VIPR2: variants seen among roughly 807,000 people sequenced by gnomAD.
VIPR2 encodes vasoactive intestinal peptide receptor 2.
Under a neutral mutation model 58.0 loss-of-function variants are expected in VIPR2, and 48 were observed. The ratio of observed to expected loss-of-function variants is 0.83; its 90% CI spans 0.66 to 1.05. The LOEUF (loss-of-function observed/expected upper bound fraction) is 1.05. Among genes scored for constraint, VIPR2 ranks in the 50% least tolerant of loss-of-function variants. The pLI is 0.00. For synonymous variants in VIPR2, 243 were observed against 235.2 expected, an observed-to-expected ratio of 1.03 and a Z score of -0.30; for missense variants, 534 against 558.0, an observed-to-expected ratio of 0.96 and a Z score of 0.43.
Position 159,128,774 on chromosome 7 carries a change from ACCCCACTTCTCAGGAGCCTTCAGTGGTCT to A in VIPR2, c.151+13643_151+13671del. ...TTCCTGAAACACAGCTCACATGCGA[ACCCCACTTCTCAGGAGCCTTCAGTGGTCT>A]CAGCTCTGCAGGTTGGGCACGCTAA... On this transcript the variant is annotated intron_variant, in intron 2 of 12. Coordinates refer to ENST00000262178, the MANE Select transcript of VIPR2 (RefSeq NM_003382.5). The surrounding 1 kb of genome is among the most constrained non-coding windows in gnomAD (Gnocchi z 4.1). 6.6e-6 allele frequency among the ~76,000 whole-genome samples: 1 copy of A among 152,176 alleles called. No individual in the cohort carries two copies. Among genetic ancestry groups the A allele is most frequent in the East Asian group, 1.9e-4 (1 of 5,156 alleles).
chr7:159,142,524 A>G lies in VIPR2; in HGVS notation c.73T>C (p.Cys25Arg), dbSNP rs1356747738. ...TCCTGTATTTCCAGATGAAATCGGC[A>G]TTCTGGGTGAATGCTGTTCACCTGT... The part of the protein sequence containing the change: ...LAPVNSIHPE[C>R]RFHLEIQEEE... Residue 25 changes from cysteine (C) to arginine (R), a missense_variant, in exon 2 of 13, where the codon TGC becomes CGC. Cys to Arg is a radical substitution (Grantham distance 180). Transcript: ENST00000262178. The G allele has an allele frequency of 1.2e-6, 2 of 1,613,928 alleles. No homozygotes were observed. The highest frequency in any genetic ancestry group is 1.7e-6 in the Non-Finnish European group (2 of 1,179,866).
At chr7:159,086,901 C>T (rs116921532) in intron 4 of VIPR2, among the ~76,000 whole-genome samples, 3,621 of 152,344 alleles carry the variant, frequency 0.024, 62 homozygotes, top group Non-Finnish European at 0.035. Context: ...AGCAGGTTGT[C>T]TTCAGGTTCT....
chr7:159,130,578 C>T (rs1796865321), intron 2 of VIPR2, among the ~76,000 whole-genome samples: 1 of 151,946 alleles, frequency 6.6e-6, no homozygotes, highest in South Asian at 2.1e-4. Context: ...TGACGGCACC[C>T]CAGCCAATCA....
At chr7:159,109,362 T>G (rs933732677) in intron 3 of VIPR2, among the ~76,000 whole-genome samples, 2 of 151,536 alleles carry the variant, frequency 1.3e-5, no homozygotes, top group Non-Finnish European at 2.9e-5. Flanking sequence ...GTTGGGGGAG[T>G]GGGTTCGATA....
intron 2 of VIPR2, among the ~76,000 whole-genome samples, chr7:159,131,195 A>G (rs1425232993): frequency 1.3e-5 from 2 of 152,224 alleles, no homozygotes; most frequent in African/African-American, 4.8e-5. Context: ...AGACCAGAGA[A>G]GAGAAAATGC....
At chr7:159,085,636 C>T (rs546389269) in intron 4 of VIPR2, among the ~76,000 whole-genome samples, 4 of 152,170 alleles carry the variant, frequency 2.6e-5, no homozygotes, top group Non-Finnish European at 4.4e-5. Context: ...CTGAAGCTGA[C>T]GCCAGGATCG....
chr7:159,125,725 C>G (rs1240576136), intron 2 of VIPR2, among the ~76,000 whole-genome samples: 2 of 152,136 alleles, frequency 1.3e-5, no homozygotes, highest in African/African-American at 4.8e-5. Flanking sequence ...GCTCAGAGAC[C>G]CTTCAAAATA....
intron 4 of VIPR2, among the ~76,000 whole-genome samples, chr7:159,084,516 C>T (rs535538644): frequency 1.3e-5 from 2 of 152,330 alleles, no homozygotes; most frequent in African/African-American, 2.4e-5. Context: ...TTCCCTCTGC[C>T]AGGCTTCAGG....
chr7:159,144,368 A>G (rs1354553645), intron 1 of VIPR2: 1 of 1,542,586 alleles, frequency 6.5e-7, no homozygotes, highest in Non-Finnish European at 8.7e-7. Flanking sequence ...TGAAACGCGC[A>G]GCCCGCGCAG....
At chr7:159,077,853 T>A (rs1267805503) in intron 4 of VIPR2, among the ~76,000 whole-genome samples, 1 of 152,252 alleles carries the variant, frequency 6.6e-6, no homozygotes, top group Non-Finnish European at 1.5e-5. Flanking sequence ...GTTTGCTGTG[T>A]ACCTCTAACC....
At chr7:159,089,840 A>G (rs993836901) in intron 4 of VIPR2, among the ~76,000 whole-genome samples, 1 of 152,258 alleles carries the variant, frequency 6.6e-6, no homozygotes, top group Non-Finnish European at 1.5e-5. Flanking sequence ...AAGGCATTCC[A>G]CATCTAGAAG....
intron 2 of VIPR2, chr7:159,117,457 C>A: frequency 2.8e-6 from 2 of 715,614 alleles, no homozygotes. Flanking sequence ...TGCCGCACCA[C>A]ACAAAGGCAA....
At chr7:159,046,330 T>C (rs1476068382) in intron 5 of VIPR2, among the ~76,000 whole-genome samples, 1 of 152,224 alleles carries the variant, frequency 6.6e-6, no homozygotes, top group Non-Finnish European at 1.5e-5. Flanking sequence ...CATGAGCAGA[T>C]GAACGGATAA....
chr7:159,126,538 C>G (rs1194428336), intron 2 of VIPR2, among the ~76,000 whole-genome samples: 1 of 152,214 alleles, frequency 6.6e-6, no homozygotes, highest in Non-Finnish European at 1.5e-5. Context: ...ATAGAAGGAG[C>G]ATGCCCTGGA....
intron 4 of VIPR2, among the ~76,000 whole-genome samples, chr7:159,078,919 A>G (rs1330406399): frequency 6.6e-6 from 1 of 152,168 alleles, no homozygotes; most frequent in East Asian, 1.9e-4. Context: ...AGTAACATCC[A>G]CCACCTCTCT....
At chr7:159,143,123 G>C (rs1034017028) in intron 1 of VIPR2, among the ~76,000 whole-genome samples, 2 of 152,202 alleles carry the variant, frequency 1.3e-5, no homozygotes, top group Non-Finnish European at 2.9e-5. Context: ...ACACCATTGT[G>C]GCCCCACAGA....
chr7:159,039,962 A>G (rs1180110848), intron 6 of VIPR2, among the ~76,000 whole-genome samples: 1 of 152,230 alleles, frequency 6.6e-6, no homozygotes. Flanking sequence ...GTGCCGCCTG[A>G]AAGCAGGCGC....
chr7:159,118,176 C>T (rs1263214696), intron 2 of VIPR2, among the ~76,000 whole-genome samples: 1 of 152,216 alleles, frequency 6.6e-6, no homozygotes, highest in Admixed American at 6.5e-5. Context: ...TGTGACCACT[C>T]CTTCCGAAGG....
In VIPR2 at chr7:159,142,503, G is replaced by A; in HGVS notation, c.94C>T (p.Gln32Ter). The A allele has an allele frequency of 6.2e-7, 1 of 1,613,834 alleles. No individual in the cohort carries two copies. The highest frequency in any genetic ancestry group is 1.3e-5 in the African/African-American group (1 of 74,966). Residue 32 changes from glutamine (Q) to a stop codon, truncating the protein, a stop_gained, in exon 2 of 13, where the codon CAG becomes TAG. Coordinates refer to ENST00000262178, the MANE Select transcript of VIPR2 (RefSeq NM_003382.5). LOFTEE classifies it high-confidence loss of function. Reference sequence around the variant, plus strand: ...TCTGCACATTTTGTTTCTTCCTCCTGTATTTCCAGATGAAATCGGCATTCT... The same window carrying A: ...TCTGCACATTTTGTTTCTTCCTCCTATATTTCCAGATGAAATCGGCATTCT... Reference protein sequence around the residue: ...HPECRFHLEIQEEETKCAELL... With the variant: ...HPECRFHLEI
Sources: gnomAD v4.1 joint callset for allele counts (sites outside exome capture counted in the v4.1 genomes callset) on GRCh38, gnomAD v4.1.1 for gene constraint, Gnocchi (gnomAD v3.1) non-coding constraint, MANE v1.5 for transcripts, NCBI Gene and HGNC (gene_info 2026-07-23, HGNC 2026-07-21) for gene names.